The following DOCK9 variants were observed in gnomAD, a reference collection of about 807,000 sequenced individuals.
The protein encoded by DOCK9 is dedicator of cytokinesis 9.
Under a neutral mutation model 263.3 loss-of-function variants are expected in DOCK9, and 89 were observed. The observed-to-expected ratio is 0.34, with a 90% CI of 0.28 to 0.40. The LOEUF (loss-of-function observed/expected upper bound fraction) is 0.40. DOCK9 is among the 10% of genes least tolerant of loss of function. The pLI, the probability that DOCK9 is intolerant of heterozygous loss-of-function variation, is 1.00. For missense variants in DOCK9, 2,140 were observed against 2,603.4 expected (o/e 0.82, Z 3.87); for synonymous variants, 976 against 973.1 (o/e 1.00, Z -0.06).
chr13:98,810,706 C>G (rs1340545628), intron 45 of DOCK9, among the ~76,000 whole-genome samples: 2 of 152,146 alleles, frequency 1.3e-5, no homozygotes, highest in African/African-American at 2.4e-5. Context: ...GATTTTAACA[C>G]AAATTAAAGG....
intron 45 of DOCK9, among the ~76,000 whole-genome samples, chr13:98,814,324 T>C (rs1413313093): frequency 6.6e-6 from 1 of 151,840 alleles, no homozygotes; most frequent in African/African-American, 2.4e-5. Context: ...GTAACCACCA[T>C]AGCAGCAAAT....
chr13:98,863,218 C>T, intron 31 of DOCK9, 86 bp from the exon 32 acceptor site: 1 of 1,486,558 alleles, frequency 6.7e-7, no homozygotes, highest in Non-Finnish European at 9.2e-7. Flanking sequence ...TTATTTGGAT[C>T]CTTCCTATAA....
At chr13:98,885,206 A>G (rs1463167582) in intron 20 of DOCK9, 114 bp from the exon 21 acceptor site, 2 of 1,416,978 alleles carry the variant, frequency 1.4e-6, no homozygotes, top group Non-Finnish European at 1.9e-6. Context: ...TATCAATTAG[A>G]GTAAGAAATT....
chr13:98,836,074 T>C (rs910641678), intron 39 of DOCK9, among the ~76,000 whole-genome samples: 8 of 152,152 alleles, frequency 5.3e-5, no homozygotes, highest in Non-Finnish European at 1.0e-4. Flanking sequence ...TGAAGGGGGC[T>C]GAATTAGAAC....
chr13:98,884,641 A>G lies in DOCK9; in HGVS notation c.2382+330T>C, dbSNP rs554985917. Reference sequence around the variant, plus strand: ...ACTTTAAGCTGGAGGAAAATTCCTAATAGTTTGCATGACCCTAAGAACTCA... The same window carrying G: ...ACTTTAAGCTGGAGGAAAATTCCTAGTAGTTTGCATGACCCTAAGAACTCA... On this transcript the variant is annotated intron_variant, in intron 21 of 52. Transcript: ENST00000682017. Among the ~76,000 whole-genome samples the G allele has an allele frequency of 2.6e-5, 4 of 152,320 alleles. No homozygotes were observed. In the South Asian group the frequency reaches 6.2e-4, roughly 24 times the overall value.
chr13:98,900,630 C>T (rs1316089383), intron 13 of DOCK9, among the ~76,000 whole-genome samples: 2 of 152,170 alleles, frequency 1.3e-5, no homozygotes, highest in Non-Finnish European at 2.9e-5. Context: ...ACAGCACTGA[C>T]TCATACATGA....
chr13:98,924,310 A>G (rs2052569537), intron 4 of DOCK9, among the ~76,000 whole-genome samples: 1 of 152,258 alleles, frequency 6.6e-6, no homozygotes, highest in Admixed American at 6.5e-5. Flanking sequence ...ACAAGGAGGA[A>G]AAACAAACAG....
intron 12 of DOCK9, 61 bp downstream of exon 12, chr13:98,902,227 G>A (rs1422189547): frequency 5.5e-5 from 86 of 1,561,508 alleles, no homozygotes; most frequent in Non-Finnish European, 7.2e-5. Context: ...CATTTTTGGT[G>A]CATTTAGGTA....
At chr13:98,986,669 C>G (rs1321257141) in intron 1 of DOCK9, among the ~76,000 whole-genome samples, 1 of 152,170 alleles carries the variant, frequency 6.6e-6, no homozygotes, top group Non-Finnish European at 1.5e-5. Flanking sequence ...GGAGGGCCTT[C>G]TATTTCCTCC....
intron 1 of DOCK9, among the ~76,000 whole-genome samples, chr13:99,064,221 T>C (rs959975883): frequency 4.6e-5 from 7 of 152,212 alleles, no homozygotes; most frequent in African/African-American, 1.7e-4. Flanking sequence ...CCCCATTTTC[T>C]ATGGGATGGC....
intron 25 of DOCK9, 122 bp from the exon 26 acceptor site, chr13:98,880,794 G>A: frequency 7.7e-7 from 1 of 1,305,736 alleles, no homozygotes; most frequent in South Asian, 1.5e-5. Flanking sequence ...GGAGAGGAAG[G>A]TGTGGATACA....
At chr13:98,961,304 G>A (rs534375169) in intron 1 of DOCK9, among the ~76,000 whole-genome samples, 5 of 152,232 alleles carry the variant, frequency 3.3e-5, no homozygotes, top group African/African-American at 9.6e-5. Context: ...TGGTAAGCCC[G>A]GGGGCCCGCC....
rs182865636 is a variant in DOCK9, at chr13:98,836,777, G to A, written c.4314+717C>T. ...TAAAGGAATGTGCTTTATGAGTAGTGGAGACAAGTAAAGCAGAGAATGACT... is the reference window on the plus strand; with the variant it reads ...TAAAGGAATGTGCTTTATGAGTAGTAGAGACAAGTAAAGCAGAGAATGACT... On this transcript the variant is annotated intron_variant, in intron 39 of 52. Transcript: ENST00000682017. 1.1e-4 allele frequency among the ~76,000 whole-genome samples: 17 copies of A among 152,290 alleles called. No homozygotes were observed. The East Asian group carries it at 3.3e-3, about 29-fold the overall frequency.
At chr13:98,828,739 T>C (rs1689051539) in intron 43 of DOCK9, among the ~76,000 whole-genome samples, 1 of 152,172 alleles carries the variant, frequency 6.6e-6, no homozygotes, top group South Asian at 2.1e-4. Flanking sequence ...CATTGAGCAA[T>C]AGAGGGGTTA....
intron 1 of DOCK9, among the ~76,000 whole-genome samples, chr13:98,960,470 G>A (rs1385670618): frequency 2.6e-5 from 4 of 152,308 alleles, no homozygotes; most frequent in South Asian, 4.1e-4. Context: ...TCCCCGTCAC[G>A]TAGAGGCTCA....
At chr13:99,000,810 G>A (rs1487344653) in intron 1 of DOCK9, among the ~76,000 whole-genome samples, 1 of 152,142 alleles carries the variant, frequency 6.6e-6, no homozygotes, top group Non-Finnish European at 1.5e-5. Flanking sequence ...TTTTACCATA[G>A]TGTGATTTTT....
intron 20 of DOCK9, chr13:98,885,464 TG>T (rs1333704060): frequency 1.9e-6 from 1 of 537,012 alleles, no homozygotes; most frequent in Non-Finnish European, 3.3e-6. Context: ...AATTAGCCAG[TG>T]GGTGTGGTGC....
At chr13:99,032,648 T>C (rs958278755) in intron 1 of DOCK9, among the ~76,000 whole-genome samples, 1 of 142,568 alleles carries the variant, frequency 7.0e-6, no homozygotes, top group Non-Finnish European at 1.6e-5. Context: ...TTACATGACA[T>C]AAATTTATTA....
At chr13:99,086,886 C>A (rs939302342), upstream of DOCK9, among the ~76,000 whole-genome samples, 3 of 151,776 alleles carry the variant, frequency 2.0e-5, no homozygotes, top group Non-Finnish European at 4.4e-5. Context: ...CCGGGCCGCA[C>A]GTCCGAAGAC....
Sources: gnomAD v4.1 joint callset for allele counts (sites outside exome capture counted in the v4.1 genomes callset) on GRCh38, gnomAD v4.1.1 for gene constraint, MANE v1.5 for transcripts, NCBI Gene and HGNC (gene_info 2026-07-23, HGNC 2026-07-21) for gene names.